Variants in SLC26A7 observed in about 807,000 individuals in gnomAD.
SLC26A7 encodes the protein anion exchange transporter.
In SLC26A7, 59 loss-of-function variants were observed where a neutral mutation model predicts 82.5. The ratio of observed to expected loss-of-function variants is 0.72; its 90% CI spans 0.58 to 0.89. The LOEUF (loss-of-function observed/expected upper bound fraction) is 0.89, where lower values mean the gene tolerates loss of function less well. Ranked by LOEUF, SLC26A7 falls within the 40% of genes least tolerant of loss-of-function variation. The pLI, the probability that SLC26A7 is intolerant of heterozygous loss-of-function variation, is 0.00. For missense variants in SLC26A7, 820 were observed against 793.0 expected, an observed-to-expected ratio of 1.03 and a Z score of -0.41; for synonymous variants, 271 against 274.3, an observed-to-expected ratio of 0.99 and a Z score of 0.12.
At chr8:91,262,824 A>C (rs997969004) in intron 2 of SLC26A7, among the ~76,000 whole-genome samples, 10 of 152,094 alleles carry the variant, frequency 6.6e-5, no homozygotes, top group African/African-American at 2.4e-4. Flanking sequence ...TAATGCACTC[A>C]TAAATCTTGA....
intron 2 of SLC26A7, among the ~76,000 whole-genome samples, chr8:91,266,808 C>T (rs546289552): frequency 1.3e-5 from 2 of 151,972 alleles, no homozygotes; most frequent in African/African-American, 4.8e-5. Flanking sequence ...ACATCCTTGT[C>T]TTGTTCCAGA....
intron 15 of SLC26A7, 125 bp from the exon 16 acceptor site, chr8:91,389,213 A>C: frequency 1.5e-6 from 1 of 677,910 alleles, no homozygotes; most frequent in Non-Finnish European, 2.6e-6. Context: ...AAATGTAAAA[A>C]TTAAAAGTGT....
chr8:91,384,151 A>T (rs1199838007), intron 15 of SLC26A7, among the ~76,000 whole-genome samples: 1 of 152,146 alleles, frequency 6.6e-6, no homozygotes, highest in Non-Finnish European at 1.5e-5. Context: ...ATGAGTCTGG[A>T]GATAAAATCA....
At chr8:91,324,124 G>A (rs1273830068) in intron 5 of SLC26A7, among the ~76,000 whole-genome samples, 3 of 152,242 alleles carry the variant, frequency 2.0e-5, no homozygotes, top group East Asian at 1.9e-4. Context: ...ACTGCACTCA[G>A]CTTATATTTT....
intron 9 of SLC26A7, among the ~76,000 whole-genome samples, chr8:91,347,071 A>G (rs1243513719): frequency 2.0e-5 from 3 of 152,318 alleles, no homozygotes; most frequent in African/African-American, 7.2e-5. Flanking sequence ...GGTTTGGTTC[A>G]GTGTATCCTC....
chr8:91,277,726 T>C (rs574310390), intron 2 of SLC26A7, among the ~76,000 whole-genome samples: 6 of 152,360 alleles, frequency 3.9e-5, no homozygotes, highest in Admixed American at 1.3e-4. Flanking sequence ...CTATCAAGAA[T>C]TTTAATGGAG....
At chr8:91,279,285 T>C (rs1248147952) in intron 2 of SLC26A7, among the ~76,000 whole-genome samples, 1 of 151,568 alleles carries the variant, frequency 6.6e-6, no homozygotes, top group Non-Finnish European at 1.5e-5. Flanking sequence ...TTCGATATAC[T>C]GATTTCATTT....
intron 2 of SLC26A7, among the ~76,000 whole-genome samples, chr8:91,239,412 GTATATGTATA>G (rs1169750364): frequency 2.1e-5 from 2 of 96,728 alleles, no homozygotes; most frequent in South Asian, 3.3e-4. Flanking sequence ...ATATATATAT[GTATATGTATA>G]TATATGTATA....
chr8:91,384,093 CA>C (rs1334231020), intron 15 of SLC26A7, among the ~76,000 whole-genome samples: 1 of 152,160 alleles, frequency 6.6e-6, no homozygotes, highest in African/African-American at 2.4e-5. Context: ...TGGCTTAAAA[CA>C]GCACGGATTT....
At position 91,372,975 on chromosome 8, in the gene SLC26A7, T is replaced by G. The variant is rs530022415; in HGVS notation, c.1675+3142T>G. On this transcript the variant is annotated intron_variant, in intron 15 of 18. Coordinates refer to ENST00000276609, the MANE Select transcript of SLC26A7 (RefSeq NM_052832.4). The stretch of plus-strand genomic sequence containing the variant: ...TAAATGTGTTCCTAGGTATTTTATT[T>G]TTTTGTGGCAGTTGTAAATAGGATT... 2.6e-5 allele frequency among the ~76,000 whole-genome samples: 4 copies of G among 151,922 alleles called. No homozygotes were observed. The East Asian group carries it at 7.7e-4, about 29-fold the overall frequency.
chr8:91,306,695 GT>G (rs2130792028), intron 4 of SLC26A7, among the ~76,000 whole-genome samples: 1 of 151,084 alleles, frequency 6.6e-6, no homozygotes, highest in South Asian at 2.1e-4. Flanking sequence ...AAGTCTATAT[GT>G]TGTATCCAGA....
chr8:91,308,301 A>G (rs1812380514), intron 4 of SLC26A7, among the ~76,000 whole-genome samples: 1 of 151,750 alleles, frequency 6.6e-6, no homozygotes, highest in African/African-American at 2.4e-5. Context: ...TTGTGATAAA[A>G]TACACATAAC....
At chr8:91,269,083 T>G (rs1296610835) in intron 2 of SLC26A7, among the ~76,000 whole-genome samples, 1 of 152,078 alleles carries the variant, frequency 6.6e-6, no homozygotes, top group Non-Finnish European at 1.5e-5. Context: ...TTAATAGTTT[T>G]GTTTTTTAGT....
chr8:91,391,067 G>T (rs1325403695), intron 16 of SLC26A7, among the ~76,000 whole-genome samples: 1 of 152,072 alleles, frequency 6.6e-6, no homozygotes, highest in Non-Finnish European at 1.5e-5. Context: ...TTGTGGACTG[G>T]GATTGTTTTC....
chr8:91,280,203 A>G (rs769847971), intron 2 of SLC26A7, among the ~76,000 whole-genome samples: 4 of 152,122 alleles, frequency 2.6e-5, no homozygotes, highest in Non-Finnish European at 5.9e-5. Flanking sequence ...GAGCTTTTCC[A>G]CAATATTTTC....
chr8:91,347,967 G>T (rs1414238549), intron 9 of SLC26A7, among the ~76,000 whole-genome samples: 1 of 152,034 alleles, frequency 6.6e-6, no homozygotes, highest in East Asian at 1.9e-4. Context: ...TTTCTTCCTT[G>T]CATGCTTCTC....
intron 8 of SLC26A7, among the ~76,000 whole-genome samples, chr8:91,340,938 T>C (rs1813391670): frequency 6.6e-6 from 1 of 152,136 alleles, no homozygotes. Flanking sequence ...CCAAGGGATG[T>C]AGATTATACT....
chr8:91,366,076 T>TACC (rs1351517504), intron 13 of SLC26A7, among the ~76,000 whole-genome samples: 1 of 152,208 alleles, frequency 6.6e-6, no homozygotes, highest in Non-Finnish European at 1.5e-5. Flanking sequence ...TTCCTAATAC[T>TACC]ACCTCTAGGT....
intron 2 of SLC26A7, among the ~76,000 whole-genome samples, chr8:91,267,404 GAGA>G (rs1246546714): frequency 3.3e-5 from 5 of 151,972 alleles, no homozygotes; most frequent in African/African-American, 1.2e-4. Flanking sequence ...TTTCTTTGAT[GAGA>G]AGAGTTTTTA....
Sources: gnomAD v4.1 joint callset for allele counts (sites outside exome capture counted in the v4.1 genomes callset) on GRCh38, gnomAD v4.1.1 for gene constraint, MANE v1.5 for transcripts, NCBI Gene and HGNC (gene_info 2026-07-23, HGNC 2026-07-21) for gene names.